Variants in CAMTA1 observed in about 807,000 individuals in gnomAD.
The protein encoded by CAMTA1 is calmodulin-binding transcription activator 1.
A neutral mutation model predicts 170.9 loss-of-function variants in CAMTA1; 27 were observed. The ratio of observed to expected loss-of-function variants is 0.16; its 90% CI spans 0.12 to 0.22. The LOEUF is 0.22. Among genes scored for constraint, CAMTA1 ranks in the 10% least tolerant of loss-of-function variants. The pLI is 1.00. For missense variants in CAMTA1, 1,619 were observed against 2,217.2 expected (o/e 0.73, Z 5.42); for synonymous variants, 833 against 891.5 (o/e 0.93, Z 1.17).
intron 3 of CAMTA1, among the ~76,000 whole-genome samples, chr1:6,901,637 G>A (rs1004741463): frequency 6.6e-5 from 10 of 152,256 alleles, no homozygotes; most frequent in Admixed American, 3.9e-4. Flanking sequence ...ATTCATCATT[G>A]AAATGAAACT....
intron 6 of CAMTA1, among the ~76,000 whole-genome samples, chr1:7,509,127 G>C (rs4908464): frequency 0.3 from 45,001 of 152,088 alleles, 8,511 homozygotes; most frequent in African/African-American, 0.53. Context: ...GCAAATGGAA[G>C]CACCATCTAC....
intron 6 of CAMTA1, among the ~76,000 whole-genome samples, chr1:7,515,896 T>C (rs907649846): frequency 9.9e-5 from 15 of 152,220 alleles, no homozygotes; most frequent in African/African-American, 3.6e-4. Context: ...TTTCAGCCTC[T>C]GAGTGGGAAC....
chr1:7,429,239 G>A (rs1203156290), intron 5 of CAMTA1, among the ~76,000 whole-genome samples: 1 of 152,198 alleles, frequency 6.6e-6, no homozygotes, highest in Non-Finnish European at 1.5e-5. Context: ...ACCTCATATG[G>A]TGGTTGCGAG....
intron 6 of CAMTA1, among the ~76,000 whole-genome samples, chr1:7,469,972 G>A (rs775817663): frequency 5.3e-5 from 8 of 152,214 alleles, no homozygotes; most frequent in Non-Finnish European, 1.2e-4. Flanking sequence ...GGCATACCTG[G>A]ACTGATTCAT....
At chr1:7,174,309 A>C (rs1165767606) in intron 4 of CAMTA1, among the ~76,000 whole-genome samples, 1 of 152,178 alleles carries the variant, frequency 6.6e-6, no homozygotes, top group Non-Finnish European at 1.5e-5. Flanking sequence ...ATAAAAAGAA[A>C]CTCAAGTGCA....
At chr1:7,716,090 C>G (rs2096607848) in intron 11 of CAMTA1, among the ~76,000 whole-genome samples, 1 of 152,136 alleles carries the variant, frequency 6.6e-6, no homozygotes, top group African/African-American at 2.4e-5. Context: ...TGGAGTGCAG[C>G]AGCATGATTG....
chr1:6,905,800 G>A (rs1032163464), intron 3 of CAMTA1, among the ~76,000 whole-genome samples: 2 of 152,120 alleles, frequency 1.3e-5, no homozygotes, highest in African/African-American at 2.4e-5. Flanking sequence ...CTCTTATTGC[G>A]TGTTCTGGGG....
chr1:7,132,472 A>G (rs898173493), intron 4 of CAMTA1, among the ~76,000 whole-genome samples: 1 of 152,178 alleles, frequency 6.6e-6, no homozygotes, highest in African/African-American at 2.4e-5. Flanking sequence ...ACAGGGTCTC[A>G]CTATGTTTCC....
At chr1:7,751,921 T>C (rs1222002194) in intron 20 of CAMTA1, among the ~76,000 whole-genome samples, 1 of 152,248 alleles carries the variant, frequency 6.6e-6, no homozygotes, top group Non-Finnish European at 1.5e-5. Context: ...GAGACAAGGC[T>C]ATTCTTGACA....
chr1:7,641,302 C>G lies in CAMTA1; in HGVS notation c.664+749C>G, dbSNP rs925616162. On this transcript the variant is annotated intron_variant, in intron 7 of 22. Transcript: ENST00000303635. The surrounding 1 kb of genome is among the most constrained non-coding windows in gnomAD (Gnocchi z 4.5). ...GGGCTGTTTAGTGGTGGACACGTAG[C>G]CCACGGGGTTCAGGGACATTGATGG... Among the ~76,000 whole-genome samples, 1 of 152,146 alleles carries G rather than the reference C, an allele frequency of 6.6e-6. No homozygotes were observed. Among genetic ancestry groups the G allele is most frequent in the South Asian group, 2.1e-4 (1 of 4,822 alleles).
chr1:7,184,576 T>TA (rs1200976318), intron 4 of CAMTA1, among the ~76,000 whole-genome samples: 1 of 151,738 alleles, frequency 6.6e-6, no homozygotes, highest in African/African-American at 2.4e-5. Context: ...TGTAGTTTAG[T>TA]AAAAAAGAAA....
chr1:7,498,227 TGA>T lies in CAMTA1; in HGVS notation c.510+30330_510+30331del, dbSNP rs955881654. On this transcript the variant is annotated intron_variant, in intron 6 of 22. Coordinates refer to ENST00000303635, the MANE Select transcript of CAMTA1 (RefSeq NM_015215.4). The stretch of plus-strand genomic sequence containing the variant: ...GTGTGACAGTGTGGATGTGTGTGTA[TGA>T]GAGTGAGTGTGGATGTGTGGGAGAG... Among the ~76,000 whole-genome samples, 8 of 150,284 alleles carry T rather than the reference TGA, an allele frequency of 5.3e-5. No homozygotes were observed. In the South Asian group the frequency reaches 6.3e-4, roughly 12 times the overall value.
intron 5 of CAMTA1, among the ~76,000 whole-genome samples, chr1:7,391,678 T>C (rs1244097478): frequency 6.6e-6 from 1 of 152,168 alleles, no homozygotes; most frequent in Non-Finnish European, 1.5e-5. Context: ...CTCGGCGTAC[T>C]CCAGCCTCTG....
At chr1:6,864,407 T>C (rs1665868981) in intron 3 of CAMTA1, among the ~76,000 whole-genome samples, 2 of 152,148 alleles carry the variant, frequency 1.3e-5, no homozygotes, top group African/African-American at 4.8e-5. Flanking sequence ...GCCAATGTGG[T>C]CCTTTTCAAA....
rs759307471 is a variant in CAMTA1, at chr1:6,934,216, G to T, written c.234+109006G>T. ...AGAGACACTCTGCATTGACCTTAGG[G>T]TTTCAGGATGGGATGCTTTTGGCTG... On this transcript the variant is annotated intron_variant, in intron 3 of 22. Transcript: ENST00000303635. The surrounding 1 kb of genome is among the most constrained non-coding windows in gnomAD (Gnocchi z 4.5). Among the ~76,000 whole-genome samples, 2 of 152,184 alleles carry T rather than the reference G, an allele frequency of 1.3e-5. No individual in the cohort carries two copies. Among genetic ancestry groups the T allele is most frequent in the Admixed American group, 1.3e-4 (2 of 15,272 alleles).
At chr1:6,787,564 T>G (rs1283322796) in intron 1 of CAMTA1, among the ~76,000 whole-genome samples, 1 of 152,218 alleles carries the variant, frequency 6.6e-6, no homozygotes, top group African/African-American at 2.4e-5. Context: ...GCTCTACATT[T>G]TGGGTGCATA....
At chr1:6,981,442 TA>T (rs1694425926) in intron 3 of CAMTA1, among the ~76,000 whole-genome samples, 1 of 152,196 alleles carries the variant, frequency 6.6e-6, no homozygotes, top group Non-Finnish European at 1.5e-5. Context: ...TTATTTTATT[TA>T]TTTTTTTGAG....
chr1:6,931,022 T>A (rs1374810927), intron 3 of CAMTA1, among the ~76,000 whole-genome samples: 1 of 152,210 alleles, frequency 6.6e-6, no homozygotes. Flanking sequence ...TGGTTCCTCA[T>A]AAGGGCCCTT....
chr1:7,141,175 G>A (rs2148615870), intron 4 of CAMTA1, among the ~76,000 whole-genome samples: 1 of 152,146 alleles, frequency 6.6e-6, no homozygotes, highest in Middle Eastern at 3.4e-3. Context: ...CTAACCTCTT[G>A]CAGCCAGTTC....
Sources: gnomAD v4.1 joint callset for allele counts (sites outside exome capture counted in the v4.1 genomes callset) on GRCh38, gnomAD v4.1.1 for gene constraint, Gnocchi (gnomAD v3.1) non-coding constraint, MANE v1.5 for transcripts, NCBI Gene and HGNC (gene_info 2026-07-23, HGNC 2026-07-21) for gene names.